Variants in COL5A1 observed in about 807,000 individuals in gnomAD.
COL5A1 encodes the protein collagen type V alpha 1 chain.
A neutral mutation model predicts 263.7 loss-of-function variants in COL5A1; 16 were observed. The ratio of observed to expected loss-of-function variants is 0.06; its 90% CI spans 0.04 to 0.09. COL5A1 has a LOEUF of 0.09. Ranked by LOEUF, COL5A1 falls within the 10% of genes least tolerant of loss-of-function variation. The probability of loss-of-function intolerance (pLI) is 1.00; values close to 1 mark genes in which losing one functional copy is unlikely to be tolerated. For synonymous variants in COL5A1, 1,012 were observed against 1,004.5 expected (o/e 1.01, Z -0.14); for missense variants, 2,036 against 2,540.5 (o/e 0.80, Z 4.27).
At chr9:134,801,411 A>G (rs908761071) in intron 37 of COL5A1, among the ~76,000 whole-genome samples, 4 of 152,264 alleles carry the variant, frequency 2.6e-5, no homozygotes, top group Non-Finnish European at 5.9e-5. Flanking sequence ...GTTTGGTGAC[A>G]TGATAAAGGC....
intron 41 of COL5A1, among the ~76,000 whole-genome samples, 156 bp from the exon 42 acceptor site, chr9:134,806,033 G>A (rs534217723): frequency 2.0e-5 from 3 of 152,310 alleles, no homozygotes; most frequent in Admixed American, 6.5e-5. Flanking sequence ...AGCCCCGAAC[G>A]CTAGACCAGG....
At chr9:134,792,760 T>C (rs1044679613) in intron 32 of COL5A1, among the ~76,000 whole-genome samples, 3 of 63,282 alleles carry the variant, frequency 4.7e-5, no homozygotes, top group Non-Finnish European at 8.9e-5. Flanking sequence ...CATGCGTGCA[T>C]GTGTGTGTGT....
At chr9:134,779,953 G>A in intron 27 of COL5A1, 149 bp from the exon 28 acceptor site, 1 of 844,758 alleles carries the variant, frequency 1.2e-6, no homozygotes, top group South Asian at 1.3e-5. Context: ...GGCCACAGGG[G>A]GACATATGGG....
chr9:134,820,296 G>C (rs193203114), intron 58 of COL5A1, 73 bp downstream of exon 58: 5 of 1,206,672 alleles, frequency 4.1e-6, no homozygotes, highest in Non-Finnish European at 6.1e-6. Flanking sequence ...GCACCCAGGG[G>C]ACAGGAGGCC....
At chr9:134,814,981 C>T (rs147366897) in intron 50 of COL5A1, 77 bp downstream of exon 50, 37 of 1,010,018 alleles carry the variant, frequency 3.7e-5, no homozygotes, top group African/African-American at 1.3e-4. Flanking sequence ...GACTCACTGG[C>T]GGTGCACTCT....
chr9:134,658,060 G>A (rs943478074), intron 1 of COL5A1, among the ~76,000 whole-genome samples: 1 of 151,946 alleles, frequency 6.6e-6, no homozygotes, highest in Non-Finnish European at 1.5e-5. Flanking sequence ...AAGCAACCCT[G>A]CCCGTCTCTT....
At chr9:134,738,316 C>T (rs568721614) in intron 9 of COL5A1, among the ~76,000 whole-genome samples, 158 bp from the exon 10 acceptor site, 4 of 152,340 alleles carry the variant, frequency 2.6e-5, no homozygotes, top group Non-Finnish European at 4.4e-5. Flanking sequence ...GGCCCCACCA[C>T]AGGCCCCCTT....
chr9:134,685,507 T>TC (rs143525729), intron 1 of COL5A1, among the ~76,000 whole-genome samples: 20 of 632 alleles, frequency 0.032, no homozygotes, highest in East Asian at 0.071. Context: ...CATCCATCCA[T>TC]CACCATCCAT....
intron 18 of COL5A1, among the ~76,000 whole-genome samples, chr9:134,760,988 C>CGT (rs200574733): frequency 8.7e-6 from 1 of 115,048 alleles, no homozygotes; most frequent in African/African-American, 4.9e-5. Flanking sequence ...CACCCCGATA[C>CGT]ACACATACAC....
chr9:134,649,283 T>A, intron 1 of COL5A1: 1 of 327,948 alleles, frequency 3.0e-6, no homozygotes, highest in Non-Finnish European at 5.9e-6. Context: ...AGCAGAGGAG[T>A]TTTTCTGGAG....
At chr9:134,668,954 C>CCCATCCATCCATCCATCCATCCATCCAT (rs760262319) in intron 1 of COL5A1, among the ~76,000 whole-genome samples, 3 of 110,396 alleles carry the variant, frequency 2.7e-5, no homozygotes, top group African/African-American at 1.1e-4. Context: ...CACCCACCCA[C>CCCATCCATCCATCCATCCATCCATCCAT]CCATCCATCC....
chr9:134,834,634 G>C (rs1839777679), intron 64 of COL5A1, among the ~76,000 whole-genome samples: 1 of 152,186 alleles, frequency 6.6e-6, no homozygotes, highest in African/African-American at 2.4e-5. Context: ...AGGTTGGGGA[G>C]GGCAGCCACA....
rs866657133 is a variant in COL5A1, at chr9:134,815,082, G to A, written c.4014+178G>A. Among the ~76,000 whole-genome samples, 20 of 152,332 alleles carry A rather than the reference G, an allele frequency of 1.3e-4. No individual in the cohort carries two copies. In the South Asian group the frequency reaches 1.7e-3, roughly 13 times the overall value. ...ATACCAGCTACTGAACCAAAATAGT[G>A]GAGATGAGACAGGGCGTGGACTGGA... On this transcript the variant is annotated intron_variant, in intron 50 of 65. Coordinates refer to ENST00000371817, the MANE Select transcript of COL5A1 (RefSeq NM_000093.5).
chr9:134,643,752 G>A (rs1396671755), intron 1 of COL5A1, among the ~76,000 whole-genome samples: 1 of 152,168 alleles, frequency 6.6e-6, no homozygotes, highest in Non-Finnish European at 1.5e-5. Flanking sequence ...GTGTGGTCAG[G>A]GACTGTGCCA....
At chr9:134,731,424 C>A (rs1292075756) in intron 7 of COL5A1, 72 bp from the exon 8 acceptor site, 1 of 1,517,272 alleles carries the variant, frequency 6.6e-7, no homozygotes, top group Non-Finnish European at 9.1e-7. Context: ...ACAGTGCCCG[C>A]CCAGGGCCTG....
chr9:134,721,536 G>A (rs201989963), intron 4 of COL5A1, among the ~76,000 whole-genome samples: 5 of 152,138 alleles, frequency 3.3e-5, no homozygotes, highest in East Asian at 3.9e-4. Context: ...CTCTGGACTC[G>A]CAGGAATCAG....
chr9:134,782,852 G>T (rs767854199), intron 29 of COL5A1, 132 bp downstream of exon 29: 3 of 903,956 alleles, frequency 3.3e-6, no homozygotes, highest in South Asian at 2.8e-5. Flanking sequence ...GAGATTCCTG[G>T]TGGGAAGGGG....
At chr9:134,708,064 C>T (rs1338660173) in intron 4 of COL5A1, among the ~76,000 whole-genome samples, 4 of 152,198 alleles carry the variant, frequency 2.6e-5, no homozygotes, top group East Asian at 1.9e-4. Context: ...GGATGAGCTG[C>T]GTTCCCCTGT....
intron 65 of COL5A1, among the ~76,000 whole-genome samples, chr9:134,836,995 C>G (rs1176677914): frequency 6.6e-6 from 1 of 152,222 alleles, no homozygotes; most frequent in East Asian, 1.9e-4. Context: ...GGGACCTTAC[C>G]CGTCCTCCCC....
Sources: gnomAD v4.1 joint callset for allele counts (sites outside exome capture counted in the v4.1 genomes callset) on GRCh38, gnomAD v4.1.1 for gene constraint, MANE v1.5 for transcripts, NCBI Gene and HGNC (gene_info 2026-07-23, HGNC 2026-07-21) for gene names.